The following IL1RAPL1 variants were observed in gnomAD, a reference collection of about 807,000 sequenced individuals.
The protein encoded by IL1RAPL1 is interleukin 1 receptor accessory protein like 1, also known as interleukin-1 receptor accessory protein-like 1.
IL1RAPL1 carries 3 observed loss-of-function variants against 48.4 expected under a neutral mutation model. The ratio of observed to expected loss-of-function variants is 0.06; its 90% confidence interval spans 0.03 to 0.16. The LOEUF (loss-of-function observed/expected upper bound fraction) is 0.16. IL1RAPL1 is among the 10% of genes least tolerant of loss of function. The pLI, the probability that IL1RAPL1 is intolerant of heterozygous loss-of-function variation, is 1.00. For synonymous variants in IL1RAPL1, 185 were observed against 187.7 expected (o/e 0.99, Z 0.12); for missense variants, 349 against 530.6 (o/e 0.66, Z 3.36).
At chrX:29,210,668 T>C (rs942856201) in intron 2 of IL1RAPL1, among the ~76,000 whole-genome samples, 1 of 111,790 alleles carries the variant, frequency 8.9e-6, no homozygotes, top group Admixed American at 9.6e-5. Context: ...CACTGTGTCA[T>C]TGGGATTGCC....
intron 6 of IL1RAPL1, among the ~76,000 whole-genome samples, chrX:29,808,807 ACTCT>A (rs766227531): frequency 2.7e-5 from 3 of 110,763 alleles, no homozygotes; most frequent in East Asian, 5.6e-4. Flanking sequence ...TTATGTGGTG[ACTCT>A]CTATCTCCAA....
intron 2 of IL1RAPL1, among the ~76,000 whole-genome samples, chrX:29,266,929 G>A (rs891710232): frequency 5.4e-5 from 6 of 111,747 alleles, no homozygotes; most frequent in African/African-American, 1.6e-4. Flanking sequence ...GAAACCAAGA[G>A]ATAGGTTACT....
chrX:29,329,904 T>G (rs1469982540), intron 3 of IL1RAPL1, among the ~76,000 whole-genome samples: 1 of 111,079 alleles, frequency 9.0e-6, no homozygotes, highest in Non-Finnish European at 1.9e-5. Flanking sequence ...CAGCTATTAT[T>G]AAAAGACCAC....
chrX:29,205,213 G>A (rs1021397995), intron 2 of IL1RAPL1, among the ~76,000 whole-genome samples: 1 of 111,842 alleles, frequency 8.9e-6, no homozygotes, highest in African/African-American at 3.2e-5. Context: ...CAAGGAAAGA[G>A]TCTTTTTCAC....
At chrX:29,874,302 T>C (rs1931859534) in intron 6 of IL1RAPL1, among the ~76,000 whole-genome samples, 1 of 110,556 alleles carries the variant, frequency 9.0e-6, no homozygotes, top group Admixed American at 9.6e-5. Flanking sequence ...TTCATAAATA[T>C]TTGGGGTTTT....
intron 2 of IL1RAPL1, among the ~76,000 whole-genome samples, chrX:28,825,737 G>T (rs1936988013): frequency 9.0e-6 from 1 of 111,027 alleles, no homozygotes; most frequent in Non-Finnish European, 1.9e-5. Flanking sequence ...GAATAATCAC[G>T]TTGGCCTCCT....
chrX:29,868,724 T>C (rs1931746812), intron 6 of IL1RAPL1, among the ~76,000 whole-genome samples: 1 of 112,502 alleles, frequency 8.9e-6, no homozygotes, highest in Non-Finnish European at 1.9e-5. Flanking sequence ...CAGCAGCAAA[T>C]GCTTAATGAC....
intron 1 of IL1RAPL1, among the ~76,000 whole-genome samples, chrX:28,723,203 G>A (rs771938605): frequency 1.8e-5 from 2 of 111,014 alleles, no homozygotes; most frequent in East Asian, 5.7e-4. Context: ...GTAGAATTGG[G>A]CTGTGAATCC....
chrX:29,285,977 G>A (rs1932278251), intron 3 of IL1RAPL1, among the ~76,000 whole-genome samples: 1 of 111,901 alleles, frequency 8.9e-6, no homozygotes, highest in Non-Finnish European at 1.9e-5. Flanking sequence ...CACTTGCAAA[G>A]AATTTTAGAG....
rs189408466 is a variant in IL1RAPL1, at chrX:29,384,470, T to C, written c.363-11788T>C. Among the ~76,000 whole-genome samples, 62 of 111,623 alleles carry C rather than the reference T, an allele frequency of 5.6e-4. 1 individual carries two copies. The highest frequency in any genetic ancestry group is 2.0e-3 in the African/African-American group (60 of 30,736). The stretch of plus-strand genomic sequence containing the variant: ...ACAATGTTATGGAGGAGAAAATATA[T>C]ACCAATATAAAGAAAGAAGACAAAG... On this transcript the variant is annotated intron_variant, in intron 3 of 10. Transcript: ENST00000378993.
chrX:29,837,312 C>G (rs975350014), intron 6 of IL1RAPL1, among the ~76,000 whole-genome samples: 3 of 96,127 alleles, frequency 3.1e-5, no homozygotes, highest in Non-Finnish European at 4.1e-5. Context: ...CACACACACA[C>G]ACACACACAT....
chrX:29,016,743 G>A (rs568560461), intron 2 of IL1RAPL1, among the ~76,000 whole-genome samples: 6 of 110,945 alleles, frequency 5.4e-5, no homozygotes, highest in South Asian at 7.4e-4. Flanking sequence ...CAAATTATAA[G>A]TATATTTTTA....
At chrX:28,779,077 A>G (rs996302556) in intron 1 of IL1RAPL1, among the ~76,000 whole-genome samples, 4 of 111,898 alleles carry the variant, frequency 3.6e-5, no homozygotes, top group African/African-American at 1.3e-4. Flanking sequence ...TTCATATACA[A>G]GGACTTTTAC....
intron 1 of IL1RAPL1, among the ~76,000 whole-genome samples, chrX:28,755,747 A>G (rs1285920534): frequency 2.7e-5 from 3 of 111,977 alleles, no homozygotes; most frequent in Non-Finnish European, 5.6e-5. Context: ...CATTTAATTC[A>G]GCCAAATTTT....
intron 5 of IL1RAPL1, among the ~76,000 whole-genome samples, chrX:29,411,007 A>G (rs1934136922): frequency 9.0e-6 from 1 of 111,423 alleles, no homozygotes; most frequent in Non-Finnish European, 1.9e-5. Flanking sequence ...CTCAAGAAGA[A>G]TTGACCAGTC....
intron 1 of IL1RAPL1, among the ~76,000 whole-genome samples, chrX:28,701,687 C>T (rs1451034401): frequency 9.0e-6 from 1 of 111,261 alleles, no homozygotes; most frequent in African/African-American, 3.3e-5. Context: ...TGCTTACAGC[C>T]CATGTAGGAA....
chrX:29,925,466 T>C lies in IL1RAPL1; in HGVS notation c.1057+5372T>C, dbSNP rs1320841020. Among the ~76,000 whole-genome samples, 12 of 88,867 alleles carry C rather than the reference T, an allele frequency of 1.4e-4. No homozygotes were observed. The Admixed American group carries it at 1.6e-3, about 12-fold the overall frequency. The allele number at this position is 88,867 out of a possible 115,157, so 77.2% of individuals were successfully genotyped here. On this transcript the variant is annotated intron_variant, in intron 8 of 10. Transcript: ENST00000378993. ...TTTTTGCTGGGGGGGGCTTCTCTGC[T>C]CATTTGTATAAGACGTCTAATAGCA...
At chrX:28,955,227 C>G (rs368204700) in intron 2 of IL1RAPL1, among the ~76,000 whole-genome samples, 1 of 111,023 alleles carries the variant, frequency 9.0e-6, no homozygotes, top group Admixed American at 9.6e-5. Context: ...GATATAATGA[C>G]GGATATATGT....
intron 2 of IL1RAPL1, among the ~76,000 whole-genome samples, chrX:28,811,711 G>A (rs896203184): frequency 2.7e-5 from 3 of 111,279 alleles, no homozygotes; most frequent in Middle Eastern, 4.6e-3. Context: ...ACCCACATAT[G>A]TACCAAATGC....
Sources: gnomAD v4.1 joint callset for allele counts (sites outside exome capture counted in the v4.1 genomes callset) on GRCh38, gnomAD v4.1.1 for gene constraint, MANE v1.5 for transcripts, NCBI Gene and HGNC (gene_info 2026-07-23, HGNC 2026-07-21) for gene names.